Variants in SH3RF3 observed in about 807,000 individuals in gnomAD.
SH3RF3 encodes E3 ubiquitin-protein ligase SH3RF3.
Under a neutral mutation model 66.3 loss-of-function variants are expected in SH3RF3, and 29 were observed. That is an observed-to-expected ratio of 0.44 (90% confidence interval 0.33 to 0.60). SH3RF3 has a LOEUF of 0.60. Ranked by LOEUF, SH3RF3 falls within the 20% of genes least tolerant of loss-of-function variation. SH3RF3 has a pLI of 0.04. For missense variants in SH3RF3, 1,194 were observed against 1,190.9 expected, an observed-to-expected ratio of 1.00 and a Z score of -0.04; for synonymous variants, 583 against 532.0, an observed-to-expected ratio of 1.10 and a Z score of -1.32.
intron 3 of SH3RF3, among the ~76,000 whole-genome samples, chr2:109,394,119 A>G (rs114435133): frequency 0.01 from 1,534 of 152,288 alleles, 23 homozygotes; most frequent in African/African-American, 0.035. Flanking sequence ...CATTCTGTAG[A>G]ACTGTTTAAA....
At position 109,219,449 on chromosome 2, in the gene SH3RF3, G is replaced by T. The variant is rs551171094; in HGVS notation, c.573+89336G>T. Among the ~76,000 whole-genome samples the T allele has an allele frequency of 4.6e-5, 7 of 152,046 alleles. No homozygotes were observed. In the East Asian group the frequency reaches 1.3e-3, roughly 29 times the overall value. ...ATCCGACATAGAATTGGAAGCTCTA[G>T]ACAGAGAAATTAGGGAAGGAAAATA... On this transcript the variant is annotated intron_variant, in intron 1 of 9. Coordinates refer to ENST00000309415, the MANE Select transcript of SH3RF3 (RefSeq NM_001099289.3).
chr2:109,247,330 C>T (rs1183016623), intron 1 of SH3RF3, among the ~76,000 whole-genome samples: 2 of 152,204 alleles, frequency 1.3e-5, no homozygotes, highest in Non-Finnish European at 2.9e-5. Flanking sequence ...CAAATCTCTG[C>T]AGCCCCTCCC....
chr2:109,153,451 C>T (rs6721559), intron 1 of SH3RF3, among the ~76,000 whole-genome samples: 24,417 of 152,004 alleles, frequency 0.16, 2,021 homozygotes, highest in Middle Eastern at 0.2. Context: ...AAAGAAGTAA[C>T]GAAGGTATGA....
chr2:109,172,723 T>C (rs1039908308), intron 1 of SH3RF3, among the ~76,000 whole-genome samples: 1 of 152,220 alleles, frequency 6.6e-6, no homozygotes, highest in Non-Finnish European at 1.5e-5. Context: ...TCTGCCCATG[T>C]TGAGCTCTGG....
At chr2:109,326,100 C>T (rs2105473710) in intron 1 of SH3RF3, among the ~76,000 whole-genome samples, 1 of 152,298 alleles carries the variant, frequency 6.6e-6, no homozygotes, top group South Asian at 2.1e-4. Flanking sequence ...CATGGTAAAA[C>T]ATTTAAGGAC....
At chr2:109,285,845 G>A (rs946517220) in intron 1 of SH3RF3, among the ~76,000 whole-genome samples, 1 of 152,300 alleles carries the variant, frequency 6.6e-6, no homozygotes, top group African/African-American at 2.4e-5. Context: ...CTGCCTCTGC[G>A]TGGCTCCAAG....
chr2:109,483,428 C>T (rs1257507232), intron 8 of SH3RF3, among the ~76,000 whole-genome samples: 2 of 152,152 alleles, frequency 1.3e-5, no homozygotes, highest in Non-Finnish European at 2.9e-5. Flanking sequence ...CTCTCGGTGC[C>T]CAGCAAGAAA....
chr2:109,140,988 G>A (rs1234835667), intron 1 of SH3RF3, among the ~76,000 whole-genome samples: 1 of 152,184 alleles, frequency 6.6e-6, no homozygotes, highest in East Asian at 1.9e-4. Context: ...CAACCCTAAA[G>A]CATCCTGACA....
chr2:109,156,479 CTTG>C (rs1677347731), intron 1 of SH3RF3, among the ~76,000 whole-genome samples: 1 of 150,794 alleles, frequency 6.6e-6, no homozygotes, highest in African/African-American at 2.4e-5. Context: ...AAGTTTTGCT[CTTG>C]TTGTCCAGGC....
At chr2:109,285,652 C>G (rs1004365990) in intron 1 of SH3RF3, among the ~76,000 whole-genome samples, 2 of 152,196 alleles carry the variant, frequency 1.3e-5, no homozygotes, top group African/African-American at 4.8e-5. Context: ...TGTCAGTCCT[C>G]TCTGAGTGTC....
rs774111241 is a variant in SH3RF3, at chr2:109,142,691, C to T, written c.573+12578C>T. On this transcript the variant is annotated intron_variant, in intron 1 of 9. Coordinates refer to ENST00000309415, the MANE Select transcript of SH3RF3 (RefSeq NM_001099289.3). Reference sequence around the variant, plus strand: ...GGAGTCACCTGTGAGGTCAACTGAGCGGAGCATGGGCTGTCGGGCCTGGGT... The same window carrying T: ...GGAGTCACCTGTGAGGTCAACTGAGTGGAGCATGGGCTGTCGGGCCTGGGT... 1.4e-4 allele frequency among the ~76,000 whole-genome samples: 21 copies of T among 152,260 alleles called. No homozygotes were observed. The East Asian group carries it at 1.7e-3, about 13-fold the overall frequency.
chr2:109,266,263 C>T (rs191075240), intron 1 of SH3RF3, among the ~76,000 whole-genome samples: 5 of 148,656 alleles, frequency 3.4e-5, no homozygotes, highest in African/African-American at 9.9e-5. Flanking sequence ...GTGTGTTGTG[C>T]GTGCATGTGT....
At chr2:109,318,438 C>A (rs1457770440) in intron 1 of SH3RF3, among the ~76,000 whole-genome samples, 1 of 152,164 alleles carries the variant, frequency 6.6e-6, no homozygotes, top group East Asian at 1.9e-4. Flanking sequence ...TGTGAGGCCT[C>A]CTCTCAAAGC....
intron 4 of SH3RF3, among the ~76,000 whole-genome samples, chr2:109,413,000 A>G (rs1418637159): frequency 2.0e-5 from 3 of 152,096 alleles, no homozygotes; most frequent in African/African-American, 7.2e-5. Context: ...TGTCCTTGTC[A>G]GCCTGCCAGC....
chr2:109,244,690 A>G (rs1435955769), intron 1 of SH3RF3, among the ~76,000 whole-genome samples: 2 of 152,210 alleles, frequency 1.3e-5, no homozygotes, highest in Non-Finnish European at 2.9e-5. Context: ...AGATGGTATT[A>G]TCTGCAGCAC....
chr2:109,177,124 TGAG>T (rs1473618869), intron 1 of SH3RF3, among the ~76,000 whole-genome samples: 2 of 152,214 alleles, frequency 1.3e-5, no homozygotes, highest in Non-Finnish European at 2.9e-5. Flanking sequence ...CGTGTGGTGC[TGAG>T]ATTAGCCATC....
intron 2 of SH3RF3, among the ~76,000 whole-genome samples, chr2:109,358,159 C>T (rs1486797474): frequency 3.3e-5 from 5 of 152,212 alleles, no homozygotes; most frequent in African/African-American, 9.7e-5. Context: ...GTAGCCTTTT[C>T]GTAATGGTTG....
intron 4 of SH3RF3, among the ~76,000 whole-genome samples, chr2:109,416,906 A>C (rs974095746): frequency 1.6e-5 from 2 of 128,428 alleles, no homozygotes; most frequent in Non-Finnish European, 3.2e-5. Context: ...CTTCATCTCA[A>C]AAAAAAAAAA....
At chr2:109,348,666 G>A (rs1317576177) in intron 2 of SH3RF3, among the ~76,000 whole-genome samples, 3 of 152,100 alleles carry the variant, frequency 2.0e-5, no homozygotes, top group Non-Finnish European at 4.4e-5. Context: ...TTGGAACCTC[G>A]TTTTCTCCAT....
Sources: allele counts gnomAD v4.1 joint callset (sites outside exome capture counted in the v4.1 genomes callset), GRCh38; gene constraint gnomAD v4.1.1; transcripts MANE v1.5; gene names NCBI Gene and HGNC (gene_info 2026-07-23, HGNC 2026-07-21).